CNTN3: variants seen among roughly 807,000 people sequenced by gnomAD.
CNTN3 encodes the protein contactin-3.
In CNTN3, 60 loss-of-function variants were observed where a neutral mutation model predicts 119.1. The observed-to-expected ratio is 0.50, with a 90% CI of 0.41 to 0.62. The LOEUF is 0.62. Among genes scored for constraint, CNTN3 ranks in the 20% least tolerant of loss-of-function variants. The pLI, the probability that CNTN3 is intolerant of heterozygous loss-of-function variation, is 0.00. For synonymous variants in CNTN3, 450 were observed against 438.7 expected (o/e 1.03, Z -0.32); for missense variants, 1,101 against 1,242.4 (o/e 0.89, Z 1.71).
At position 74,584,326 on chromosome 3, in the gene CNTN3, T is replaced by C. The variant is rs184701335; in HGVS notation, c.-81+30065A>G. 5.1e-4 allele frequency among the ~76,000 whole-genome samples: 78 copies of C among 152,296 alleles called. 1 individual carries two copies. The highest frequency in any genetic ancestry group is 6.3e-4 in the Non-Finnish European group (43 of 68,034). On this transcript the variant is annotated intron_variant, in intron 1 of 22. Coordinates refer to ENST00000263665, the MANE Select transcript of CNTN3 (RefSeq NM_020872.3). ...GCATGTCCATTATAATCTTGTGATA[T>C]ACTTTTGATATTTGTCCCTTCTAAA...
rs369854589 is a variant in CNTN3 at position 74,321,555 on chromosome 3, A to T, written c.1668+13180T>A. 2.0e-4 allele frequency among the ~76,000 whole-genome samples: 31 copies of T among 152,232 alleles called. 1 individual carries two copies. The highest frequency in any genetic ancestry group is 1.5e-5 in the Non-Finnish European group (1 of 68,008). ...AATAAAAGGAATAAAAAAAATCAAC[A>T]GTGAAAATGAATAAACTTGAAAACT... On this transcript the variant is annotated intron_variant, in intron 13 of 22. Transcript: ENST00000263665.
chr3:74,523,002 C>T (rs889163680), intron 1 of CNTN3, among the ~76,000 whole-genome samples: 7 of 151,684 alleles, frequency 4.6e-5, no homozygotes, highest in African/African-American at 1.7e-4. Flanking sequence ...ACACATTCCA[C>T]CTCAATCAAT....
At chr3:74,339,104 A>C (rs1471842098) in intron 11 of CNTN3, among the ~76,000 whole-genome samples, 3 of 152,166 alleles carry the variant, frequency 2.0e-5, no homozygotes, top group African/African-American at 7.2e-5. Flanking sequence ...GAGAAGTAAA[A>C]ATAAATAAAA....
chr3:74,491,614 T>C (rs1001876750), intron 3 of CNTN3, among the ~76,000 whole-genome samples: 2 of 152,208 alleles, frequency 1.3e-5, no homozygotes, highest in Non-Finnish European at 2.9e-5. Flanking sequence ...ACTCATTTTC[T>C]TTGCAGGAAA....
chr3:74,363,992 C>T (rs1008953560), intron 10 of CNTN3, among the ~76,000 whole-genome samples: 1 of 152,080 alleles, frequency 6.6e-6, no homozygotes, highest in African/African-American at 2.4e-5. Context: ...AGAAGATCAT[C>T]TATAATTTCA....
At chr3:74,531,456 C>T (rs1460893615) in intron 1 of CNTN3, among the ~76,000 whole-genome samples, 1 of 151,928 alleles carries the variant, frequency 6.6e-6, no homozygotes, top group Non-Finnish European at 1.5e-5. Context: ...CAGCACCATC[C>T]TAGAACAGGT....
At chr3:74,577,331 T>A (rs1704433659) in intron 1 of CNTN3, among the ~76,000 whole-genome samples, 1 of 152,196 alleles carries the variant, frequency 6.6e-6, no homozygotes, top group Non-Finnish European at 1.5e-5. Flanking sequence ...GATTTCTAAC[T>A]GCTAAAACTT....
intron 4 of CNTN3, among the ~76,000 whole-genome samples, chr3:74,448,955 A>G (rs1285805422): frequency 6.6e-6 from 1 of 152,054 alleles, no homozygotes; most frequent in Non-Finnish European, 1.5e-5. Flanking sequence ...TTATAAACCA[A>G]CATGTTTCCA....
rs189121994 is a variant in CNTN3 at position 74,291,039 on chromosome 3, T to C, written c.2517+4082A>G. On this transcript the variant is annotated intron_variant, in intron 19 of 22. Transcript: ENST00000263665. The stretch of plus-strand genomic sequence containing the variant: ...ACATTAGGTATATCTCCAAATGCTA[T>C]CCCTCCCCCCTTCCCCCACCTCATG... Among the ~76,000 whole-genome samples the C allele has an allele frequency of 6.0e-4, 92 of 152,130 alleles. 1 individual carries two copies. Among genetic ancestry groups the C allele is most frequent in the South Asian group, 2.3e-3 (11 of 4,816 alleles).
At chr3:74,448,806 C>G (rs1322214096) in intron 4 of CNTN3, among the ~76,000 whole-genome samples, 1 of 152,004 alleles carries the variant, frequency 6.6e-6, no homozygotes, top group Non-Finnish European at 1.5e-5. Flanking sequence ...TTTTCTATAT[C>G]CTTTGAAAAA....
chr3:74,376,078 G>A (rs1047218481), intron 5 of CNTN3, among the ~76,000 whole-genome samples: 8 of 152,072 alleles, frequency 5.3e-5, no homozygotes, highest in Admixed American at 1.3e-4. Context: ...AAAGGAACAC[G>A]GGCAGCCTCT....
At position 74,337,444 on chromosome 3, in the gene CNTN3, C is replaced by T. The variant is rs540367812; in HGVS notation, c.1365-786G>A. 1.9e-4 allele frequency among the ~76,000 whole-genome samples: 29 copies of T among 152,152 alleles called. No individual in the cohort carries two copies. In the South Asian group the frequency reaches 6.0e-3, roughly 32 times the overall value. ...TTTTCATGCTGCTGCTAAAGATATA[C>T]CCAAGACTGGGTAATTTATAAGAAA... On this transcript the variant is annotated intron_variant, in intron 11 of 22. Coordinates refer to ENST00000263665, the MANE Select transcript of CNTN3 (RefSeq NM_020872.3).
chr3:74,586,943 C>G (rs1216649173), intron 1 of CNTN3, among the ~76,000 whole-genome samples: 1 of 151,996 alleles, frequency 6.6e-6, no homozygotes, highest in Non-Finnish European at 1.5e-5. Context: ...TCTATCCTGC[C>G]TTGACTTGAC....
intron 19 of CNTN3, among the ~76,000 whole-genome samples, chr3:74,292,603 G>T (rs1318165697): frequency 2.6e-5 from 4 of 152,122 alleles, no homozygotes; most frequent in Non-Finnish European, 5.9e-5. Flanking sequence ...TAAAGAGCCA[G>T]AAATTATGAG....
At chr3:74,360,033 A>C (rs1234403851) in intron 11 of CNTN3, among the ~76,000 whole-genome samples, 1 of 152,208 alleles carries the variant, frequency 6.6e-6, no homozygotes, top group African/African-American at 2.4e-5. Flanking sequence ...GATTATGGTG[A>C]ACCACTCAAT....
chr3:74,585,902 T>A (rs149759162), intron 1 of CNTN3, among the ~76,000 whole-genome samples: 59 of 152,270 alleles, frequency 3.9e-4, no homozygotes, highest in African/African-American at 1.3e-3. Context: ...CAAATGAGAA[T>A]TGCATTCTTT....
chr3:74,497,976 G>C (rs1169242282), intron 3 of CNTN3, among the ~76,000 whole-genome samples: 1 of 151,772 alleles, frequency 6.6e-6, no homozygotes, highest in Non-Finnish European at 1.5e-5. Context: ...TTGGCTATTT[G>C]ATAAAACTAT....
intron 1 of CNTN3, among the ~76,000 whole-genome samples, chr3:74,535,127 TA>T (rs1465680235): frequency 1.3e-5 from 2 of 152,248 alleles, no homozygotes; most frequent in African/African-American, 2.4e-5. Context: ...TCTTTTTGTT[TA>T]AACACTTGTT....
At chr3:74,480,023 A>C (rs1248587584) in intron 4 of CNTN3, among the ~76,000 whole-genome samples, 3 of 152,140 alleles carry the variant, frequency 2.0e-5, no homozygotes, top group Non-Finnish European at 4.4e-5. Flanking sequence ...GTTTGCTGCA[A>C]AACTCATCTC....
Sources: gnomAD v4.1 joint callset for allele counts (sites outside exome capture counted in the v4.1 genomes callset) on GRCh38, gnomAD v4.1.1 for gene constraint, MANE v1.5 for transcripts, NCBI Gene and HGNC (gene_info 2026-07-23, HGNC 2026-07-21) for gene names.